ARHGEF38: variants seen among roughly 807,000 people sequenced by gnomAD.
ARHGEF38 encodes the protein Rho guanine nucleotide exchange factor 38.
Under a neutral mutation model 79.9 loss-of-function variants are expected in ARHGEF38, and 79 were observed. The ratio of observed to expected loss-of-function variants is 0.99; its 90% CI spans 0.82 to 1.19. ARHGEF38 has a LOEUF of 1.19. Among genes scored for constraint, ARHGEF38 ranks in the 50% most tolerant of loss-of-function variants. ARHGEF38 has a pLI of 0.00. For synonymous variants in ARHGEF38, 366 were observed against 328.3 expected (o/e 1.11, Z -1.24); for missense variants, 962 against 907.2 (o/e 1.06, Z -0.78).
Position 105,589,207 on chromosome 4 carries a change from C to T in ARHGEF38, c.197-41C>T, listed in dbSNP as rs755129185. 4 of 1,529,056 alleles carry T rather than the reference C, an allele frequency of 2.6e-6. No homozygotes were observed. In the South Asian group the frequency reaches 3.8e-5, roughly 15 times the overall value. The allele number at this position is 1,529,056 out of a possible 1,614,324, so 94.7% of individuals were successfully genotyped here. A position where few individuals can be genotyped will look rare whatever the true frequency, so the allele number is the denominator to read the frequency against. ...TGTTTGTAATGAAGGAAAAAGAAAC[C>T]TCAGCAGAATGCCTCACCTGTATAT... On this transcript the variant is annotated intron_variant, in intron 1 of 13. Transcript: ENST00000420470.
At chr4:105,564,172 C>G (rs921569598) in intron 1 of ARHGEF38, among the ~76,000 whole-genome samples, 1 of 152,028 alleles carries the variant, frequency 6.6e-6, no homozygotes, top group African/African-American at 2.4e-5. Context: ...TACAGACAAT[C>G]TATTGTGCAA....
At chr4:105,585,878 T>A (rs978334971) in intron 1 of ARHGEF38, among the ~76,000 whole-genome samples, 6 of 151,888 alleles carry the variant, frequency 4.0e-5, no homozygotes, top group Non-Finnish European at 8.8e-5. Flanking sequence ...ATTACAGGCA[T>A]GTGCCACCAC....
At chr4:105,625,259 G>T (rs1216295152) in intron 3 of ARHGEF38, among the ~76,000 whole-genome samples, 1 of 152,156 alleles carries the variant, frequency 6.6e-6, no homozygotes, top group African/African-American at 2.4e-5. Flanking sequence ...AAAATGGGTA[G>T]TATAGAGGGG....
chr4:105,554,796 T>C (rs1413370563), intron 1 of ARHGEF38, among the ~76,000 whole-genome samples: 1 of 152,082 alleles, frequency 6.6e-6, no homozygotes, highest in African/African-American at 2.4e-5. Context: ...TTAGGAATAA[T>C]GGGTACCATA....
intron 1 of ARHGEF38, 131 bp from the exon 2 acceptor site, chr4:105,589,117 C>G (rs1430582646): frequency 1.5e-6 from 1 of 681,842 alleles, no homozygotes; most frequent in Non-Finnish European, 2.4e-6. Flanking sequence ...TATATCACTT[C>G]CTAAGAAAAC....
chr4:105,645,351 G>A lies in ARHGEF38; in HGVS notation c.838G>A (p.Val280Ile). The A allele has an allele frequency of 6.5e-7, 1 of 1,528,780 alleles. No homozygotes were observed. Among genetic ancestry groups the A allele is most frequent in the Non-Finnish European group, 8.7e-7 (1 of 1,145,050 alleles). The allele number at this position is 1,528,780 out of a possible 1,614,324, so 94.7% of individuals were successfully genotyped here. ...DAFAAVKDINVNINELKRRKD... is the reference protein window; with the variant it reads ...DAFAAVKDINININELKRRKD... ...CTTTGCTGCTGTGAAGGACATTAAT[G>A]TTAACATCAATGAACTTAAAAGAAG... Residue 280 changes from valine (V) to isoleucine (I), a missense_variant, in exon 6 of 14, where the codon GTT (valine) becomes ATT (isoleucine). Coordinates refer to ENST00000420470, the MANE Select transcript of ARHGEF38 (RefSeq NM_001242729.2).
chr4:105,613,499 A>G lies in ARHGEF38; in HGVS notation c.500A>G (p.Gln167Arg). The G allele has an allele frequency of 4.3e-6, 7 of 1,612,798 alleles. No homozygotes were observed. The highest frequency in any genetic ancestry group is 5.1e-6 in the Non-Finnish European group (6 of 1,179,148). Residue 167 changes from glutamine (Q) to arginine (R), a missense_variant, in exon 3 of 14, where the codon CAA becomes CGA. Physicochemically the swap from Gln to Arg is conservative, Grantham distance 43. Transcript: ENST00000420470. Reference sequence around the variant, plus strand: ...ACAACAGACGTGGAACCGGCCATGCAAGTAATTGGTATGTTTATTCTCTTC... The same window carrying G: ...ACAACAGACGTGGAACCGGCCATGCGAGTAATTGGTATGTTTATTCTCTTC... ...EATTDVEPAM[Q>R]VIGEVFLQIK... is the part of the protein sequence containing the mutation.
intron 2 of ARHGEF38, among the ~76,000 whole-genome samples, chr4:105,612,414 C>T (rs1460190275): frequency 1.3e-5 from 2 of 152,080 alleles, no homozygotes; most frequent in Non-Finnish European, 2.9e-5. Flanking sequence ...TGTGCTACTC[C>T]TCCATGAATT....
intron 13 of ARHGEF38, among the ~76,000 whole-genome samples, chr4:105,676,019 A>G (rs1232923286): frequency 6.6e-6 from 1 of 152,252 alleles, no homozygotes; most frequent in Non-Finnish European, 1.5e-5. Flanking sequence ...GGAGCAGCTC[A>G]TATTAGTTGA....
intron 3 of ARHGEF38, among the ~76,000 whole-genome samples, chr4:105,625,709 GC>G (rs1038002365): frequency 6.6e-6 from 1 of 152,192 alleles, no homozygotes; most frequent in Non-Finnish European, 1.5e-5. Context: ...TAATTACATG[GC>G]CATACCAATT....
chr4:105,613,976 T>C (rs1327443806), intron 3 of ARHGEF38, among the ~76,000 whole-genome samples: 2 of 152,182 alleles, frequency 1.3e-5, no homozygotes, highest in Non-Finnish European at 2.9e-5. Context: ...TTTACACAAG[T>C]TCTACTTTTT....
chr4:105,667,360 T>C (rs1578363808), intron 12 of ARHGEF38, 33 bp downstream of exon 12: 2 of 1,533,460 alleles, frequency 1.3e-6, no homozygotes, highest in South Asian at 2.4e-5. Context: ...CACTCTTCTT[T>C]AAACTGAGAT....
At chr4:105,628,091 T>C (rs1729027621) in intron 3 of ARHGEF38, among the ~76,000 whole-genome samples, 1 of 152,104 alleles carries the variant, frequency 6.6e-6, no homozygotes, top group African/African-American at 2.4e-5. Context: ...ACTACACCAC[T>C]CCTGTTAAAG....
At chr4:105,648,471 GT>G in intron 6 of ARHGEF38, 77 bp from the exon 7 acceptor site, 1 of 1,271,726 alleles carries the variant, frequency 7.9e-7, no homozygotes, top group Non-Finnish European at 1.0e-6. Flanking sequence ...ATAAATACTC[GT>G]CTTGAAAACT....
At chr4:105,557,086 A>G (rs975573297) in intron 1 of ARHGEF38, among the ~76,000 whole-genome samples, 3 of 152,062 alleles carry the variant, frequency 2.0e-5, no homozygotes, top group African/African-American at 7.2e-5. Flanking sequence ...AATACAAGAA[A>G]TTTAGTGGTT....
intron 1 of ARHGEF38, among the ~76,000 whole-genome samples, chr4:105,573,631 T>C (rs1726343041): frequency 6.6e-6 from 1 of 152,164 alleles, no homozygotes. Flanking sequence ...AACTTTGTAG[T>C]AAGTTTTGAA....
At chr4:105,556,335 G>C (rs1725249388) in intron 1 of ARHGEF38, among the ~76,000 whole-genome samples, 1 of 152,108 alleles carries the variant, frequency 6.6e-6, no homozygotes, top group Admixed American at 6.6e-5. Flanking sequence ...TTACTCCAAA[G>C]AGGCTCAAAG....
intron 10 of ARHGEF38, among the ~76,000 whole-genome samples, chr4:105,663,981 A>AC (rs1313150663): frequency 1.3e-5 from 2 of 151,580 alleles, no homozygotes; most frequent in African/African-American, 2.4e-5. Flanking sequence ...AAAAAAAAAA[A>AC]AAACAAACAA....
intron 6 of ARHGEF38, among the ~76,000 whole-genome samples, chr4:105,646,786 A>T (rs1729859852): frequency 6.6e-6 from 1 of 152,160 alleles, no homozygotes; most frequent in Non-Finnish European, 1.5e-5. Context: ...ACTAAATAAA[A>T]AAGTAGGTGT....
Sources: gnomAD v4.1 joint callset for allele counts (sites outside exome capture counted in the v4.1 genomes callset) on GRCh38, gnomAD v4.1.1 for gene constraint, MANE v1.5 for transcripts, NCBI Gene and HGNC (gene_info 2026-07-23, HGNC 2026-07-21) for gene names.